CRACD: variants seen among roughly 807,000 people sequenced by gnomAD.
The protein encoded by CRACD is capping protein-inhibiting regulator of actin dynamics.
A neutral mutation model predicts 106.8 loss-of-function variants in CRACD; 56 were observed. The ratio of observed to expected loss-of-function variants is 0.52; its 90% CI spans 0.42 to 0.66. The LOEUF is 0.66. Among genes scored for constraint, CRACD ranks in the 30% least tolerant of loss-of-function variants. The probability of loss-of-function intolerance (pLI) is 0.00; values close to 1 mark genes in which losing one functional copy is unlikely to be tolerated. For missense variants in CRACD, 1,730 were observed against 1,623.2 expected (o/e 1.07, Z -1.13); for synonymous variants, 754 against 670.8 (o/e 1.12, Z -1.92).
At chr4:56,305,201 A>G (rs1428569312) in intron 4 of CRACD, among the ~76,000 whole-genome samples, 1 of 152,194 alleles carries the variant, frequency 6.6e-6, no homozygotes. Flanking sequence ...AGCCTGTGCG[A>G]CAGAAAGAGA....
intron 8 of CRACD, among the ~76,000 whole-genome samples, chr4:56,318,079 G>A (rs1435041784): frequency 6.6e-6 from 1 of 152,120 alleles, no homozygotes; most frequent in African/African-American, 2.4e-5. Flanking sequence ...TTTTTGCAGA[G>A]GAATGATTTG....
At chr4:56,239,029 A>G (rs1740185231) in intron 2 of CRACD, among the ~76,000 whole-genome samples, 1 of 152,204 alleles carries the variant, frequency 6.6e-6, no homozygotes. Context: ...GCAATGGCTC[A>G]TGCCTATAAT....
intron 2 of CRACD, among the ~76,000 whole-genome samples, chr4:56,211,587 CTCTCA>C (rs1738410143): frequency 6.6e-6 from 1 of 152,218 alleles, no homozygotes. Flanking sequence ...AAGGAAACAG[CTCTCA>C]GCGGAGAGGG....
intron 1 of CRACD, among the ~76,000 whole-genome samples, chr4:56,153,105 C>T (rs1735641577): frequency 6.6e-6 from 1 of 152,140 alleles, no homozygotes; most frequent in African/African-American, 2.4e-5. Context: ...GTGGTGAAAT[C>T]CCCATCTCTG....
intron 1 of CRACD, among the ~76,000 whole-genome samples, chr4:56,133,348 A>C (rs1220169561): frequency 1.3e-5 from 2 of 152,178 alleles, no homozygotes; most frequent in East Asian, 3.8e-4. Context: ...TCTTCAAAGG[A>C]AGCATGAATT....
At chr4:56,265,542 G>A (rs1326727020) in intron 2 of CRACD, among the ~76,000 whole-genome samples, 1 of 152,098 alleles carries the variant, frequency 6.6e-6, no homozygotes, top group Non-Finnish European at 1.5e-5. Context: ...CTCACTGGTT[G>A]TTGAGAAAGT....
At chr4:56,121,281 C>T (rs764166423) in intron 1 of CRACD, among the ~76,000 whole-genome samples, 3 of 152,092 alleles carry the variant, frequency 2.0e-5, no homozygotes, top group Admixed American at 6.6e-5. Context: ...AAAAATACTG[C>T]GCCTTACATT....
At chr4:56,276,039 T>C (rs1465710865) in intron 3 of CRACD, among the ~76,000 whole-genome samples, 2 of 152,206 alleles carry the variant, frequency 1.3e-5, no homozygotes, top group African/African-American at 2.4e-5. Flanking sequence ...TCCTTCTGCC[T>C]GAAAATTTCC....
chr4:56,193,348 A>T (rs754002079), intron 2 of CRACD, among the ~76,000 whole-genome samples: 2 of 152,204 alleles, frequency 1.3e-5, no homozygotes, highest in African/African-American at 2.4e-5. Context: ...CCATGTCACC[A>T]GCCTCGGGAT....
intron 1 of CRACD, among the ~76,000 whole-genome samples, chr4:56,092,538 A>G (rs559904803): frequency 1.6e-4 from 25 of 152,176 alleles, no homozygotes; most frequent in Admixed American, 1.5e-3. Flanking sequence ...TTTTGGGTAC[A>G]TTGGTTATAT....
At chr4:56,182,519 C>T (rs544224513) in intron 2 of CRACD, among the ~76,000 whole-genome samples, 6 of 152,022 alleles carry the variant, frequency 3.9e-5, no homozygotes, top group East Asian at 1.9e-4. Flanking sequence ...GTGGGAGGAT[C>T]GTCAGTGTGA....
chr4:56,294,676 G>A (rs1743886304), intron 3 of CRACD, among the ~76,000 whole-genome samples: 1 of 152,054 alleles, frequency 6.6e-6, no homozygotes, highest in Non-Finnish European at 1.5e-5. Flanking sequence ...TACTTTGGGA[G>A]GCCAAGGTGG....
At chr4:56,175,360 G>A (rs1348891491) in intron 1 of CRACD, among the ~76,000 whole-genome samples, 1 of 152,116 alleles carries the variant, frequency 6.6e-6, no homozygotes, top group Non-Finnish European at 1.5e-5. Flanking sequence ...TTTGTTAATA[G>A]CAATTTTAAC....
At chr4:56,230,890 A>G (rs1166458591) in intron 2 of CRACD, among the ~76,000 whole-genome samples, 1 of 152,202 alleles carries the variant, frequency 6.6e-6, no homozygotes, top group Non-Finnish European at 1.5e-5. Context: ...ATTCAGTATC[A>G]GTTGTTCAAC....
intron 1 of CRACD, among the ~76,000 whole-genome samples, chr4:56,106,836 A>T (rs551247057): frequency 6.6e-6 from 1 of 152,332 alleles, no homozygotes; most frequent in East Asian, 1.9e-4. Context: ...CACACGGCGT[A>T]CTGAAAGCCA....
intron 2 of CRACD, among the ~76,000 whole-genome samples, chr4:56,254,523 A>G (rs1379912833): frequency 4.0e-5 from 6 of 151,756 alleles, no homozygotes; most frequent in African/African-American, 1.5e-4. Context: ...TCATTCTGCT[A>G]CCTCTTGGGT....
chr4:56,114,224 A>G (rs1185038274), intron 1 of CRACD, among the ~76,000 whole-genome samples: 1 of 151,142 alleles, frequency 6.6e-6, no homozygotes, highest in African/African-American at 2.4e-5. Flanking sequence ...TAGGTGCTAT[A>G]TACACACCTA....
chr4:56,181,278 C>A (rs1319552744), intron 2 of CRACD, among the ~76,000 whole-genome samples: 1 of 152,046 alleles, frequency 6.6e-6, no homozygotes. Context: ...TGGGCCTGTT[C>A]CAGGTAGAGG....
intron 10 of CRACD, 86 bp from the exon 11 acceptor site, chr4:56,327,558 C>T: frequency 8.7e-7 from 1 of 1,152,350 alleles, no homozygotes; most frequent in East Asian, 2.4e-5. Flanking sequence ...ATGATAAATA[C>T]ATAGTTTATC....
Sources: allele counts gnomAD v4.1 joint callset (sites outside exome capture counted in the v4.1 genomes callset), GRCh38; gene constraint gnomAD v4.1.1; transcripts MANE v1.5; gene names NCBI Gene and HGNC (gene_info 2026-07-23, HGNC 2026-07-21).